MAP3K14: variants seen among roughly 807,000 people sequenced by gnomAD.
MAP3K14 encodes the protein NF-kappa-beta-inducing kinase.
In MAP3K14, 16 loss-of-function variants were observed where a neutral mutation model predicts 99.2. That is an observed-to-expected ratio of 0.16 (90% CI 0.11 to 0.24). The LOEUF is 0.24. Ranked by LOEUF, MAP3K14 falls within the 10% of genes least tolerant of loss-of-function variation. The pLI is 1.00. For missense variants in MAP3K14, 784 were observed against 1,208.7 expected, an observed-to-expected ratio of 0.65 and a Z score of 5.21; for synonymous variants, 462 against 492.4, an observed-to-expected ratio of 0.94 and a Z score of 0.82.
rs778129303 is a variant in MAP3K14 at position 45,264,578 on chromosome 17, C to T, written c.*58G>A. On this transcript the variant is annotated 3_prime_UTR_variant, in exon 16 of 16. Transcript: ENST00000344686. ...CTGAGCCTGTGTTTCAGGGCAGCAT[C>T]GTGCACCGAGCAGGAAGGCTGCTTC... The T allele has an allele frequency of 1.5e-5, 22 of 1,503,178 alleles. No individual in the cohort carries two copies. Among genetic ancestry groups the T allele is most frequent in the South Asian group, 2.6e-5 (2 of 77,504 alleles). The allele number at this position is 1,503,178 out of a possible 1,614,324, so 93.1% of individuals were successfully genotyped here.
At chr17:45,300,856 C>A (rs1052113986) in intron 1 of MAP3K14, among the ~76,000 whole-genome samples, 1 of 148,898 alleles carries the variant, frequency 6.7e-6, no homozygotes, top group African/African-American at 2.5e-5. Flanking sequence ...TTAAAAAAAA[C>A]AGAAAAAAGC....
chr17:45,302,851 C>CT (rs11369727), intron 1 of MAP3K14, among the ~76,000 whole-genome samples: 150,770 of 152,392 alleles, frequency 0.99, 74,590 homozygotes, highest in East Asian at 1. Context: ...AGCTGGGCCG[C>CT]AAAACAGAAG....
chr17:45,315,869 C>T (rs1290118797), intron 1 of MAP3K14, among the ~76,000 whole-genome samples: 2 of 152,156 alleles, frequency 1.3e-5, no homozygotes, highest in Non-Finnish European at 2.9e-5. Context: ...GGTATGAAGA[C>T]ACTAAGCAAA....
chr17:45,279,443 T>A (rs2044203955), intron 6 of MAP3K14, among the ~76,000 whole-genome samples: 1 of 151,144 alleles, frequency 6.6e-6, no homozygotes, highest in Admixed American at 6.6e-5. Flanking sequence ...GGTATTCTTT[T>A]TTTTTTTGAG....
At chr17:45,292,917 T>C (rs889972860) in intron 1 of MAP3K14, among the ~76,000 whole-genome samples, 3 of 152,170 alleles carry the variant, frequency 2.0e-5, no homozygotes, top group African/African-American at 4.8e-5. Flanking sequence ...TGACAGGACA[T>C]GGCCAGGATC....
In MAP3K14 at chr17:45,299,300, C is replaced by G. The variant is rs186626328; in HGVS notation, c.-20-8535G>C. 2.8e-4 allele frequency among the ~76,000 whole-genome samples: 42 copies of G among 152,278 alleles called. No individual in the cohort carries two copies. In the Middle Eastern group the frequency reaches 0.017, roughly 62 times the overall value. ...AGGCACAGTGCCTCATTCCTGTAAT[C>G]CCAGCATTTTGGGAGGCTGAGGCAA... On this transcript the variant is annotated intron_variant, in intron 1 of 15. Transcript: ENST00000344686.
At chr17:45,288,566 C>G (rs985898417) in intron 3 of MAP3K14, among the ~76,000 whole-genome samples, 2 of 152,026 alleles carry the variant, frequency 1.3e-5, no homozygotes, top group African/African-American at 4.8e-5. Flanking sequence ...TTAGCAGAGA[C>G]GGGGTTTCAC....
intron 1 of MAP3K14, among the ~76,000 whole-genome samples, chr17:45,291,311 TG>T: frequency 6.6e-6 from 1 of 152,052 alleles, no homozygotes; most frequent in Non-Finnish European, 1.5e-5. Flanking sequence ...TGTGTGTGTG[TG>T]TGTGTGTGTC....
At chr17:45,310,151 A>G (rs1291199348) in intron 1 of MAP3K14, among the ~76,000 whole-genome samples, 2 of 146,666 alleles carry the variant, frequency 1.4e-5, no homozygotes, top group South Asian at 2.1e-4. Flanking sequence ...CTCCTACCCC[A>G]GCCTCCCGAG....
intron 6 of MAP3K14, among the ~76,000 whole-genome samples, chr17:45,280,705 G>A (rs1271005601): frequency 6.6e-6 from 1 of 151,812 alleles, no homozygotes; most frequent in Non-Finnish European, 1.5e-5. Context: ...TGCCTCCCAG[G>A]TTCAAGTGAT....
intron 6 of MAP3K14, among the ~76,000 whole-genome samples, chr17:45,276,312 C>A (rs993365053): frequency 6.6e-6 from 1 of 152,188 alleles, no homozygotes; most frequent in Non-Finnish European, 1.5e-5. Flanking sequence ...CTGGCTCCGC[C>A]TTTTAAAACA....
chr17:45,293,433 G>A (rs1478757804), intron 1 of MAP3K14, among the ~76,000 whole-genome samples: 6 of 152,158 alleles, frequency 3.9e-5, no homozygotes, highest in Admixed American at 6.5e-5. Context: ...GCTGTCCAGC[G>A]CCCCTCTGTG....
intron 1 of MAP3K14, among the ~76,000 whole-genome samples, chr17:45,295,865 A>C (rs2044342982): frequency 6.6e-6 from 1 of 152,210 alleles, no homozygotes; most frequent in Admixed American, 6.5e-5. Context: ...ACTAAAAGCC[A>C]TCACTGAGAA....
Position 45,271,224 on chromosome 17 carries a change from G to A in MAP3K14, c.1658-3C>T. 6.2e-7 allele frequency: 1 copy of A among 1,601,698 alleles called. No homozygotes were observed. On this transcript the variant is annotated splice_region_variant and splice_polypyrimidine_tract_variant and intron_variant, in intron 9 of 15. Transcript: ENST00000344686. ...CTCTGTGCCAGGGATGTAGTCCCCTGAGAAGGGGGATGAGACATAAAGTTA... is the reference window on the plus strand; with the variant it reads ...CTCTGTGCCAGGGATGTAGTCCCCTAAGAAGGGGGATGAGACATAAAGTTA...
In MAP3K14 at chr17:45,286,669, G is replaced by A; in HGVS notation, c.914C>T (p.Ala305Val). ...CAGGGGCTTTGGACTGTCTACACAG[G>A]CCAGTTTGCTCAGGTGTGGGTCAGG... ...PLPDPHLSKL[A>V]CVDSPKPLPG... Residue 305 changes from alanine to valine, a missense_variant, in exon 5 of 16, where the codon GCC becomes GTC. Transcript: ENST00000344686. This position sits in a 1 kb window ranked among gnomAD's most constrained non-coding sequence, Gnocchi z 4.1. The A allele has an allele frequency of 1.9e-6, 3 of 1,610,342 alleles. No individual in the cohort carries two copies. Among genetic ancestry groups the A allele is most frequent in the Non-Finnish European group, 2.5e-6 (3 of 1,178,522 alleles).
chr17:45,291,718 G>T (rs1037926681), intron 1 of MAP3K14, among the ~76,000 whole-genome samples: 1 of 152,242 alleles, frequency 6.6e-6, no homozygotes, highest in Non-Finnish European at 1.5e-5. Flanking sequence ...CTTTTTAAAG[G>T]CTGGGAGTTT....
At chr17:45,270,854 G>A in intron 10 of MAP3K14, 1 of 814,082 alleles carries the variant, frequency 1.2e-6, no homozygotes, top group Non-Finnish European at 2.0e-6. Flanking sequence ...GTTCTCACCT[G>A]CCATGAACTT....
chr17:45,266,678 G>T lies in MAP3K14; in HGVS notation c.2437C>A (p.Pro813Thr), dbSNP rs778135122. 28 of 1,607,870 alleles carry T rather than the reference G, an allele frequency of 1.7e-5. No homozygotes were observed. Among genetic ancestry groups the T allele is most frequent in the Non-Finnish European group, 2.4e-5 (28 of 1,175,426 alleles). ...LSLSDDSEKN[P>T]SKASQSSRDT... ...CGCGAGCTTTGAGAGGCCTTTGATGGGTTCTGAAACAACAGGATTGGGTAC... is the reference window on the plus strand; with the variant it reads ...CGCGAGCTTTGAGAGGCCTTTGATGTGTTCTGAAACAACAGGATTGGGTAC... Residue 813 changes from proline to threonine, a missense_variant, in exon 14 of 16, where the codon CCA becomes ACA. This residue lies in a region of MAP3K14 where 130 missense variants were observed against 220.4 expected (regional missense o/e 0.59). Transcript: ENST00000344686.
chr17:45,275,255 G>T (rs953711094), intron 6 of MAP3K14, among the ~76,000 whole-genome samples: 9 of 152,174 alleles, frequency 5.9e-5, no homozygotes, highest in East Asian at 1.9e-4. Context: ...GGAGATCGAG[G>T]TCGGGAGATC....
Sources: allele counts gnomAD v4.1 joint callset (sites outside exome capture counted in the v4.1 genomes callset), GRCh38; gene constraint gnomAD v4.1.1; regional missense constraint gnomAD v4.1.1; non-coding constraint Gnocchi (gnomAD v3.1); transcripts MANE v1.5; gene names NCBI Gene and HGNC (gene_info 2026-07-23, HGNC 2026-07-21).